The following RARB variants were observed in gnomAD, a reference collection of about 807,000 sequenced individuals.
RARB encodes the protein retinoic acid receptor beta.
In RARB, 17 loss-of-function variants were observed where a neutral mutation model predicts 51.9. The ratio of observed to expected loss-of-function variants is 0.33; its 90% CI spans 0.22 to 0.49. The LOEUF (loss-of-function observed/expected upper bound fraction) is 0.49, where lower values mean the gene tolerates loss of function less well. Ranked by LOEUF, RARB falls within the 20% of genes least tolerant of loss-of-function variation. The pLI is 0.99. For synonymous variants in RARB, 215 were observed against 195.4 expected (o/e 1.10, Z -0.84); for missense variants, 369 against 550.8 (o/e 0.67, Z 3.30).
chr3:25,534,526 T>C (rs1215215077), intron 3 of RARB, among the ~76,000 whole-genome samples: 2 of 152,210 alleles, frequency 1.3e-5, no homozygotes, highest in Non-Finnish European at 2.9e-5. Context: ...CTTCCTGCTT[T>C]TCCTTCTTCC....
At chr3:25,052,172 C>G (rs201899328) in intron 2 of RARB, among the ~76,000 whole-genome samples, 3 of 152,134 alleles carry the variant, frequency 2.0e-5, no homozygotes, top group Admixed American at 2.0e-4. Context: ...TGGTATGTAA[C>G]TTACATCCAT....
At chr3:25,250,703 G>A (rs1702695616) in intron 5 of RARB, among the ~76,000 whole-genome samples, 1 of 152,132 alleles carries the variant, frequency 6.6e-6, no homozygotes, top group African/African-American at 2.4e-5. Context: ...GTCTGGTAGG[G>A]GCTGGGCTCT....
chr3:24,892,886 G>T (rs1703412884), intron 2 of RARB, among the ~76,000 whole-genome samples: 1 of 152,184 alleles, frequency 6.6e-6, no homozygotes, highest in Middle Eastern at 3.2e-3. Flanking sequence ...TAACCTGCCT[G>T]CCATTGGGCT....
At chr3:24,871,606 G>A (rs555018906) in intron 2 of RARB, among the ~76,000 whole-genome samples, 1 of 152,180 alleles carries the variant, frequency 6.6e-6, no homozygotes, top group South Asian at 2.1e-4. Context: ...CATCTTCTAA[G>A]TTTGTCTTGC....
intron 2 of RARB, among the ~76,000 whole-genome samples, chr3:24,890,445 C>T (rs552351096): frequency 6.6e-5 from 10 of 152,124 alleles, no homozygotes; most frequent in African/African-American, 1.2e-4. Context: ...CGAGCGGCAC[C>T]GTGAAGACGT....
At chr3:25,539,136 C>CA (rs1441300832) in intron 3 of RARB, among the ~76,000 whole-genome samples, 1 of 152,134 alleles carries the variant, frequency 6.6e-6, no homozygotes, top group African/African-American at 2.4e-5. Flanking sequence ...CTGTGCTTTC[C>CA]AAAACAGTTG....
chr3:24,875,252 T>A (rs1026073358), intron 2 of RARB, among the ~76,000 whole-genome samples: 2 of 152,174 alleles, frequency 1.3e-5, no homozygotes, highest in African/African-American at 4.8e-5. Flanking sequence ...CCGAAGTTGA[T>A]ACTATATCTA....
At chr3:25,510,421 T>A (rs1697830392) in intron 3 of RARB, among the ~76,000 whole-genome samples, 1 of 152,074 alleles carries the variant, frequency 6.6e-6, no homozygotes, top group South Asian at 2.1e-4. Context: ...GTCAGGAGTT[T>A]GAGACCAGCC....
At chr3:24,932,883 A>G (rs1200579627) in intron 2 of RARB, among the ~76,000 whole-genome samples, 2 of 152,130 alleles carry the variant, frequency 1.3e-5, no homozygotes, top group Non-Finnish European at 2.9e-5. Flanking sequence ...TTTCCTGCTC[A>G]GAAAGTAATT....
At chr3:24,875,416 C>T (rs1373796786) in intron 2 of RARB, among the ~76,000 whole-genome samples, 1 of 152,082 alleles carries the variant, frequency 6.6e-6, no homozygotes, top group Non-Finnish European at 1.5e-5. Context: ...TGATCTTGGG[C>T]AAGTTCCTTA....
intron 5 of RARB, among the ~76,000 whole-genome samples, chr3:25,295,012 A>G (rs1703884281): frequency 2.0e-5 from 3 of 152,166 alleles, no homozygotes; most frequent in African/African-American, 7.2e-5. Flanking sequence ...TTTTTTCTCG[A>G]AAGACAATCT....
chr3:24,930,478 A>G (rs997513571), intron 2 of RARB, among the ~76,000 whole-genome samples: 1 of 152,114 alleles, frequency 6.6e-6, no homozygotes, highest in Non-Finnish European at 1.5e-5. Context: ...AAGCCATTCA[A>G]TAGGGCTTTG....
intron 2 of RARB, among the ~76,000 whole-genome samples, chr3:24,984,299 A>C (rs1277227134): frequency 1.3e-5 from 2 of 152,214 alleles, no homozygotes; most frequent in Admixed American, 6.5e-5. Context: ...ATTAGATACT[A>C]CTAAAGTAGG....
chr3:25,518,156 A>G (rs1473934468), intron 3 of RARB, among the ~76,000 whole-genome samples: 1 of 152,182 alleles, frequency 6.6e-6, no homozygotes, highest in African/African-American at 2.4e-5. Flanking sequence ...TAAAAAACCG[A>G]TGATTTTAAA....
intron 5 of RARB, among the ~76,000 whole-genome samples, chr3:25,191,249 G>C (rs774121419): frequency 6.6e-6 from 1 of 152,028 alleles, no homozygotes; most frequent in African/African-American, 2.4e-5. Context: ...ATAAATACTT[G>C]GACATTGCTT....
Position 25,097,097 on chromosome 3 carries a change from A to C in RARB, c.-327-35064A>C, listed in dbSNP as rs576075539. Among the ~76,000 whole-genome samples, 3 of 152,292 alleles carry C rather than the reference A, an allele frequency of 2.0e-5. No homozygotes were observed. In the South Asian group the frequency reaches 6.2e-4, roughly 32 times the overall value. Reference sequence around the variant, plus strand: ...AGCTAAATGGGTGCAAGTGACTTGAAAGATAGAAGACTAGCAAACAATCAG... The same window carrying C: ...AGCTAAATGGGTGCAAGTGACTTGACAGATAGAAGACTAGCAAACAATCAG... On this transcript the variant is annotated intron_variant, in intron 3 of 11. Coordinates refer to the RARB transcript ENST00000383772.
intron 2 of RARB, among the ~76,000 whole-genome samples, chr3:24,897,222 C>T (rs989557129): frequency 1.3e-5 from 2 of 152,144 alleles, no homozygotes; most frequent in African/African-American, 2.4e-5. Flanking sequence ...TTAGGCGTAG[C>T]TGTTTAACTC....
At chr3:24,983,346 T>G (rs1199166732) in intron 2 of RARB, among the ~76,000 whole-genome samples, 1 of 152,190 alleles carries the variant, frequency 6.6e-6, no homozygotes, top group Non-Finnish European at 1.5e-5. Context: ...TTCCCCTGGT[T>G]TTATGGTAAG....
intron 2 of RARB, among the ~76,000 whole-genome samples, chr3:25,472,934 G>C (rs1283642261): frequency 6.6e-6 from 1 of 152,140 alleles, no homozygotes; most frequent in Non-Finnish European, 1.5e-5. Flanking sequence ...CTCTCATTAG[G>C]ACCTACAAAG....
Sources: allele counts gnomAD v4.1 joint callset (sites outside exome capture counted in the v4.1 genomes callset), GRCh38; gene constraint gnomAD v4.1.1; transcripts MANE v1.5; gene names NCBI Gene and HGNC (gene_info 2026-07-23, HGNC 2026-07-21).